The following CPEB3 variants were observed in gnomAD, a reference collection of about 807,000 sequenced individuals.
CPEB3 encodes the protein cytoplasmic polyadenylation element-binding protein 3.
CPEB3 carries 20 observed loss-of-function variants against 67.2 expected under a neutral mutation model. The ratio of observed to expected loss-of-function variants is 0.30; its 90% CI spans 0.21 to 0.43. The LOEUF (loss-of-function observed/expected upper bound fraction) is 0.43, where lower values mean the gene tolerates loss of function less well. Among genes scored for constraint, CPEB3 ranks in the 20% least tolerant of loss-of-function variants. CPEB3 has a pLI of 1.00. For missense variants in CPEB3, 746 were observed against 968.6 expected (o/e 0.77, Z 3.05); for synonymous variants, 376 against 393.1 (o/e 0.96, Z 0.51).
At chr10:92,149,752 A>C (rs1322735117) in intron 4 of CPEB3, among the ~76,000 whole-genome samples, 2 of 152,192 alleles carry the variant, frequency 1.3e-5, no homozygotes, top group Non-Finnish European at 2.9e-5. Context: ...TGTGGGTAAT[A>C]ATTAAGAATA....
chr10:92,195,695 T>C (rs1849208717), intron 2 of CPEB3, among the ~76,000 whole-genome samples: 2 of 152,204 alleles, frequency 1.3e-5, no homozygotes, highest in African/African-American at 2.4e-5. Context: ...GAAAACGCTA[T>C]TTGAAGGCAT....
intron 2 of CPEB3, among the ~76,000 whole-genome samples, chr10:92,230,403 A>T (rs1851213340): frequency 6.6e-6 from 1 of 152,208 alleles, no homozygotes; most frequent in African/African-American, 2.4e-5. Flanking sequence ...CACTTCAAAT[A>T]ATATAAAGGC....
chr10:92,086,275 G>A (rs994795357), intron 8 of CPEB3, among the ~76,000 whole-genome samples: 1 of 152,192 alleles, frequency 6.6e-6, no homozygotes, highest in Non-Finnish European at 1.5e-5. Context: ...ACTTGAGGAG[G>A]ACTTTCTAGG....
chr10:92,115,543 A>G (rs903632960), intron 6 of CPEB3, among the ~76,000 whole-genome samples: 3 of 152,224 alleles, frequency 2.0e-5, no homozygotes, highest in Non-Finnish European at 4.4e-5. Context: ...AAGAAAAAGC[A>G]TTGCTGTAAT....
intron 6 of CPEB3, among the ~76,000 whole-genome samples, chr10:92,113,733 G>T (rs955583234): frequency 1.7e-4 from 26 of 152,168 alleles, no homozygotes; most frequent in South Asian, 4.1e-4. Flanking sequence ...TTGACCTTGG[G>T]CATCCAAAGA....
intron 4 of CPEB3, among the ~76,000 whole-genome samples, chr10:92,167,985 C>T (rs897499269): frequency 6.6e-6 from 1 of 151,676 alleles, no homozygotes; most frequent in Non-Finnish European, 1.5e-5. Context: ...ATAGTAATAA[C>T]AAAAAAGGTT....
intron 2 of CPEB3, among the ~76,000 whole-genome samples, chr10:92,199,149 T>C (rs1411472696): frequency 1.3e-5 from 2 of 152,104 alleles, no homozygotes; most frequent in African/African-American, 2.4e-5. Flanking sequence ...CCCAGCACTT[T>C]GGGAGGCTGA....
At chr10:92,100,061 G>A (rs919364128) in intron 7 of CPEB3, among the ~76,000 whole-genome samples, 3 of 152,072 alleles carry the variant, frequency 2.0e-5, no homozygotes, top group Non-Finnish European at 4.4e-5. Flanking sequence ...TTTAGGCCCA[G>A]GAGTTTGAGG....
At chr10:92,215,370 T>G (rs1199303320) in intron 2 of CPEB3, among the ~76,000 whole-genome samples, 1 of 150,262 alleles carries the variant, frequency 6.7e-6, no homozygotes, top group Non-Finnish European at 1.5e-5. Flanking sequence ...GCCAGGCTGG[T>G]CTTGAACTCC....
chr10:92,215,879 G>C (rs1243251728), intron 2 of CPEB3, among the ~76,000 whole-genome samples: 1 of 149,978 alleles, frequency 6.7e-6, no homozygotes, highest in East Asian at 2.0e-4. Flanking sequence ...CTCCCGAGTA[G>C]GCTGGAACTA....
intron 1 of CPEB3, among the ~76,000 whole-genome samples, chr10:92,241,206 T>C (rs960768711): frequency 1.3e-5 from 2 of 152,016 alleles, no homozygotes; most frequent in Non-Finnish European, 2.9e-5. Flanking sequence ...GGCATCGCAG[T>C]GCTTCAGGTC....
chr10:92,054,943 A>G (rs1312509131), intron 9 of CPEB3, among the ~76,000 whole-genome samples: 1 of 152,240 alleles, frequency 6.6e-6, no homozygotes, highest in Non-Finnish European at 1.5e-5. Context: ...GAAGCAAAGT[A>G]AATGTCTACC....
At chr10:92,082,194 C>T (rs1843180351) in intron 8 of CPEB3, among the ~76,000 whole-genome samples, 1 of 152,156 alleles carries the variant, frequency 6.6e-6, no homozygotes, top group Middle Eastern at 3.2e-3. Context: ...TAAAAACATA[C>T]CCATGTTGTA....
chr10:92,288,928 G>C (rs1282688630), intron 1 of CPEB3, among the ~76,000 whole-genome samples: 1 of 152,104 alleles, frequency 6.6e-6, no homozygotes, highest in Non-Finnish European at 1.5e-5. Flanking sequence ...ACAGCACAAG[G>C]AGCAAAAAAT....
intron 2 of CPEB3, among the ~76,000 whole-genome samples, chr10:92,236,136 C>T (rs7906634): frequency 0.014 from 2,207 of 152,228 alleles, 55 homozygotes; most frequent in African/African-American, 0.05. Flanking sequence ...AGGTACATCA[C>T]CAAGATGCAT....
intron 7 of CPEB3, among the ~76,000 whole-genome samples, chr10:92,098,925 C>T (rs1330760377): frequency 2.6e-5 from 4 of 151,832 alleles, no homozygotes; most frequent in Non-Finnish European, 5.9e-5. Context: ...GCGCCTGCCC[C>T]AATGCCCAGT....
chr10:92,199,852 ATAT>A (rs1469515779), intron 2 of CPEB3, among the ~76,000 whole-genome samples: 1 of 151,836 alleles, frequency 6.6e-6, no homozygotes, highest in East Asian at 1.9e-4. Context: ...TTTTAAATAG[ATAT>A]TCATTACATA....
intron 2 of CPEB3, among the ~76,000 whole-genome samples, chr10:92,216,102 A>G (rs970183943): frequency 4.0e-5 from 6 of 150,320 alleles, no homozygotes; most frequent in African/African-American, 1.2e-4. Flanking sequence ...AATCCTATGA[A>G]ACCTGAACTA....
intron 6 of CPEB3, among the ~76,000 whole-genome samples, chr10:92,130,499 A>G (rs1462000949): frequency 6.6e-6 from 1 of 152,124 alleles, no homozygotes; most frequent in Non-Finnish European, 1.5e-5. Context: ...AAACTGATCC[A>G]TAAGGCTCTG....
Sources: gnomAD v4.1 joint callset for allele counts (sites outside exome capture counted in the v4.1 genomes callset) on GRCh38, gnomAD v4.1.1 for gene constraint, MANE v1.5 for transcripts, NCBI Gene and HGNC (gene_info 2026-07-23, HGNC 2026-07-21) for gene names.